Variants in MYOM2 observed in about 807,000 individuals in gnomAD.
MYOM2 encodes the protein myomesin 2, also known as myomesin-2.
In MYOM2, 254 loss-of-function variants were observed where a neutral mutation model predicts 187.6. The ratio of observed to expected loss-of-function variants is 1.35; its 90% CI spans 1.22 to 1.50. MYOM2 has a LOEUF of 1.50. Among genes scored for constraint, MYOM2 ranks in the 40% most tolerant of loss-of-function variants. The pLI is 0.00. For missense variants in MYOM2, 2,796 were observed against 1,924.0 expected (o/e 1.45, Z -8.48); for synonymous variants, 981 against 753.8 (o/e 1.30, Z -4.94).
At chr8:2,109,294 A>G (rs999801139) in intron 24 of MYOM2, 101 bp from the exon 25 acceptor site, 2 of 1,349,284 alleles carry the variant, frequency 1.5e-6, no homozygotes, top group African/African-American at 1.5e-5. Flanking sequence ...CACATTCTCA[A>G]AAATCTAATA....
At chr8:2,077,031 G>T (rs1819448785) in intron 11 of MYOM2, among the ~76,000 whole-genome samples, 1 of 152,202 alleles carries the variant, frequency 6.6e-6, no homozygotes, top group African/African-American at 2.4e-5. Context: ...GATGGTTCTG[G>T]CTGGGCACGG....
chr8:2,144,092 G>A (rs141631910), intron 36 of MYOM2, among the ~76,000 whole-genome samples: 3 of 152,036 alleles, frequency 2.0e-5, no homozygotes, highest in African/African-American at 4.8e-5. Flanking sequence ...ATTTATAGAC[G>A]TCTTCTTTAG....
At chr8:2,074,190 G>A (rs1479696263) in intron 10 of MYOM2, among the ~76,000 whole-genome samples, 5 of 152,168 alleles carry the variant, frequency 3.3e-5, no homozygotes, top group Non-Finnish European at 1.5e-5. Context: ...ACAGCCTATA[G>A]GTGTGCATGT....
rs1797314595 is a variant in MYOM2, at chr8:2,118,304, G to C, written c.3453+352G>C. 2.6e-5 allele frequency among the ~76,000 whole-genome samples: 4 copies of C among 152,314 alleles called. No homozygotes were observed. The South Asian group carries it at 8.3e-4, about 32-fold the overall frequency. On this transcript the variant is annotated intron_variant, in intron 28 of 36. Transcript: ENST00000262113. ...ATACGAGTTCATCAGGAAAGGAAAG[G>C]CATGCTTTGGAGACAAGATACTTCT...
chr8:2,073,494 G>A lies in MYOM2; in HGVS notation c.1114G>A (p.Val372Ile), dbSNP rs1462335531. 1 of 1,602,622 alleles carries A rather than the reference G, an allele frequency of 6.2e-7. No individual in the cohort carries two copies. Among genetic ancestry groups the A allele is most frequent in the African/African-American group, 1.3e-5 (1 of 74,464 alleles). Residue 372 changes from valine (V) to isoleucine (I), a missense_variant, in exon 10 of 37, where the codon GTC (valine) becomes ATC (isoleucine). Transcript: ENST00000262113. ...CAGCGACCACAGCGCCTTCCTGTTT[G>A]TCAGAGGTGCGGGCAGCAGGGTTCT... ...GVSDHSAFLF[V>I]RDADPLVTGA...
At position 2,098,906 on chromosome 8, in the gene MYOM2, T is replaced by A. The variant is rs1410657222; in HGVS notation, c.2363T>A (p.Val788Asp). Reference sequence around the variant, plus strand: ...CTCTACGAGTTCAAAATCGCCGCCGTCAACCTGGCCGGCATCGGGGAGCCC... The same window carrying A: ...CTCTACGAGTTCAAAATCGCCGCCGACAACCTGGCCGGCATCGGGGAGCCC... Reference protein sequence around the residue: ...GSLYEFKIAAVNLAGIGEPSD... With the variant: ...GSLYEFKIAADNLAGIGEPSD... Residue 788 changes from valine (V) to aspartate (D), a missense_variant, in exon 19 of 37, where the codon GTC becomes GAC. By Grantham distance (152) the Val-to-Asp change is radical. Coordinates refer to ENST00000262113, the MANE Select transcript of MYOM2 (RefSeq NM_003970.4). 1 of 1,613,316 alleles carries A rather than the reference T, an allele frequency of 6.2e-7. No individual in the cohort carries two copies.
intron 17 of MYOM2, among the ~76,000 whole-genome samples, chr8:2,094,560 G>A (rs1225975701): frequency 6.6e-6 from 1 of 152,200 alleles, no homozygotes; most frequent in Non-Finnish European, 1.5e-5. Flanking sequence ...GCTGAGGCAG[G>A]AGAGTCACCT....
At chr8:2,066,335 A>T (rs1445844392) in intron 6 of MYOM2, among the ~76,000 whole-genome samples, 1 of 152,190 alleles carries the variant, frequency 6.6e-6, no homozygotes, top group East Asian at 1.9e-4. Context: ...CCGATCAAGC[A>T]GATTTTACAG....
chr8:2,052,148 G>A lies in MYOM2; in HGVS notation c.108-10G>A. ...GCATGCATCTCCTAATCGTGTCCAT[G>A]TTCCTGAAGGCGAGCTTCCACCCAG... On this transcript the variant is annotated splice_polypyrimidine_tract_variant and intron_variant, in intron 2 of 36. Coordinates refer to ENST00000262113, the MANE Select transcript of MYOM2 (RefSeq NM_003970.4). The A allele has an allele frequency of 6.2e-7, 1 of 1,612,866 alleles. No homozygotes were observed. Among genetic ancestry groups the A allele is most frequent in the Non-Finnish European group, 8.5e-7 (1 of 1,179,566 alleles).
At chr8:2,047,392 G>A (rs1818344032) in intron 1 of MYOM2, among the ~76,000 whole-genome samples, 1 of 152,074 alleles carries the variant, frequency 6.6e-6, no homozygotes, top group Admixed American at 6.5e-5. Flanking sequence ...GGGTGAGGCT[G>A]GACGTGCAGT....
At chr8:2,049,222 C>T (rs879386175) in intron 1 of MYOM2, among the ~76,000 whole-genome samples, 4 of 152,086 alleles carry the variant, frequency 2.6e-5, no homozygotes, top group Non-Finnish European at 5.9e-5. Context: ...TTTTAAGAGG[C>T]AATATTGAGA....
intron 25 of MYOM2, among the ~76,000 whole-genome samples, chr8:2,110,375 G>T (rs566743590): frequency 6.6e-6 from 1 of 152,074 alleles, no homozygotes; most frequent in African/African-American, 2.4e-5. Context: ...ACACCGCCTC[G>T]GTTCTGCTTT....
At chr8:2,093,812 G>T (rs778542546) in intron 16 of MYOM2, among the ~76,000 whole-genome samples, 158 bp from the exon 17 acceptor site, 1 of 152,108 alleles carries the variant, frequency 6.6e-6, no homozygotes, top group African/African-American at 2.4e-5. Context: ...CCTTACTGTC[G>T]GACTCTACAT....
intron 28 of MYOM2, among the ~76,000 whole-genome samples, chr8:2,122,427 TTCAG>T (rs902449071): frequency 1.3e-5 from 2 of 152,206 alleles, no homozygotes; most frequent in African/African-American, 4.8e-5. Context: ...TTCACAGAGA[TTCAG>T]TCCCAGTGCT....
chr8:2,107,071 G>C (rs1200963768), intron 23 of MYOM2, among the ~76,000 whole-genome samples: 1 of 152,180 alleles, frequency 6.6e-6, no homozygotes, highest in Non-Finnish European at 1.5e-5. Flanking sequence ...GCAGAGAGAA[G>C]TGAGAAAAGT....
intron 32 of MYOM2, among the ~76,000 whole-genome samples, chr8:2,136,659 A>T (rs1798082772): frequency 6.6e-6 from 1 of 152,214 alleles, no homozygotes; most frequent in South Asian, 2.1e-4. Context: ...ACTGCTGCCC[A>T]GCCGGTGTGT....
At position 2,050,792 on chromosome 8, in the gene MYOM2, A is replaced by G. The variant is rs776396959; in HGVS notation, c.26A>G (p.Tyr9Cys). The G allele has an allele frequency of 1.2e-6, 2 of 1,612,908 alleles. No homozygotes were observed. The highest frequency in any genetic ancestry group is 1.7e-6 in the Non-Finnish European group (2 of 1,178,988). ...ATGTCCCTTGTGACTGTCCCCTTCT[A>G]CCAGAAGAGACATAGGCACTTCGAC... MSLVTVPF[Y>C]QKRHRHFDQS... Residue 9 changes from tyrosine to cysteine, a missense_variant, in exon 2 of 37, where the codon TAC (tyrosine) becomes TGC (cysteine). By Grantham distance (194) the Tyr-to-Cys change is radical (BLOSUM62 -2). Transcript: ENST00000262113.
At chr8:2,118,461 A>G (rs572683218) in intron 28 of MYOM2, among the ~76,000 whole-genome samples, 298 of 152,258 alleles carry the variant, frequency 2.0e-3, no homozygotes, top group African/African-American at 6.9e-3. Flanking sequence ...GGGATGGGGG[A>G]AAAAGATCAA....
chr8:2,094,055 C>G lies in MYOM2; in HGVS notation c.2089C>G (p.Gln697Glu). 6.2e-7 allele frequency: 1 copy of G among 1,614,168 alleles called. No homozygotes were observed. The highest frequency in any genetic ancestry group is 1.1e-5 in the South Asian group (1 of 91,084). ...TGCTGTGGGGATGAGTGAAAATTCCCAGGAATCAGACGTCATAAAAGTGCA... is the reference window on the plus strand; with the variant it reads ...TGCTGTGGGGATGAGTGAAAATTCCGAGGAATCAGACGTCATAAAAGTGCA... The part of the protein sequence containing the change: ...VNAVGMSENS[Q>E]ESDVIKVQAA... Residue 697 changes from glutamine (Q) to glutamate (E), a missense_variant, in exon 17 of 37, where the codon CAG (glutamine) becomes GAG (glutamate). Gln to Glu is a conservative substitution (Grantham distance 29). Coordinates refer to ENST00000262113, the MANE Select transcript of MYOM2 (RefSeq NM_003970.4).
Sources: gnomAD v4.1 joint callset for allele counts (sites outside exome capture counted in the v4.1 genomes callset) on GRCh38, gnomAD v4.1.1 for gene constraint, MANE v1.5 for transcripts, NCBI Gene and HGNC (gene_info 2026-07-23, HGNC 2026-07-21) for gene names.